NCKAP5: variants seen among roughly 807,000 people sequenced by gnomAD.
The protein encoded by NCKAP5 is NCK associated protein 5.
In NCKAP5, 92 loss-of-function variants were observed where a neutral mutation model predicts 167.0. The observed-to-expected ratio is 0.55, with a 90% confidence interval of 0.47 to 0.66. NCKAP5 has a LOEUF of 0.66. Among genes scored for constraint, NCKAP5 ranks in the 30% least tolerant of loss-of-function variants. The pLI is 0.00. For missense variants in NCKAP5, 2,378 were observed against 2,315.0 expected (o/e 1.03, Z -0.56); for synonymous variants, 891 against 877.4 (o/e 1.02, Z -0.27).
intron 6 of NCKAP5, chr2:133,118,544 T>C (rs540497057): frequency 9.2e-5 from 14 of 152,274 alleles, no homozygotes; most frequent in African/African-American, 3.4e-4. Flanking sequence ...GCACCTACTA[T>C]GTGCCAGGCT....
chr2:133,430,613 C>T (rs1411710525), intron 3 of NCKAP5, among the ~76,000 whole-genome samples: 1 of 152,058 alleles, frequency 6.6e-6, no homozygotes, highest in African/African-American at 2.4e-5. Context: ...TTTCCAGCAC[C>T]ATTTATTGAA....
intron 6 of NCKAP5, among the ~76,000 whole-genome samples, chr2:133,011,054 T>C (rs550807362): frequency 3.3e-5 from 5 of 152,272 alleles, no homozygotes; most frequent in East Asian, 3.9e-4. Context: ...TCCCAAGTGA[T>C]AGGATTTTTA....
chr2:133,559,843 A>G (rs1207580861), intron 1 of NCKAP5, among the ~76,000 whole-genome samples: 2 of 152,210 alleles, frequency 1.3e-5, no homozygotes, highest in Admixed American at 1.3e-4. Context: ...GTCTCAGGAA[A>G]AGAATGTTTC....
intron 5 of NCKAP5, among the ~76,000 whole-genome samples, chr2:133,197,882 G>A (rs1453217730): frequency 2.6e-5 from 4 of 152,054 alleles, no homozygotes; most frequent in African/African-American, 4.8e-5. Flanking sequence ...TCCAGGAGGC[G>A]GAGATTGCAG....
chr2:133,541,239 T>C (rs1219001333), intron 2 of NCKAP5, among the ~76,000 whole-genome samples: 1 of 151,344 alleles, frequency 6.6e-6, no homozygotes, highest in East Asian at 1.9e-4. Context: ...TGTCTCATTG[T>C]CTTTCCTACT....
At chr2:133,193,675 C>T (rs920206885) in intron 5 of NCKAP5, among the ~76,000 whole-genome samples, 9 of 151,998 alleles carry the variant, frequency 5.9e-5, no homozygotes, top group Admixed American at 2.0e-4. Flanking sequence ...CCTGTACTAG[C>T]GATTCAACCA....
chr2:133,415,530 C>T (rs1210407168), intron 3 of NCKAP5, among the ~76,000 whole-genome samples: 1 of 152,220 alleles, frequency 6.6e-6, no homozygotes, highest in Non-Finnish European at 1.5e-5. Context: ...ACTTTGGGAG[C>T]CAGCTGACCA....
intron 7 of NCKAP5, among the ~76,000 whole-genome samples, chr2:132,964,104 T>C (rs2076594786): frequency 6.6e-6 from 1 of 152,170 alleles, no homozygotes; most frequent in South Asian, 2.1e-4. Context: ...CTTTGCACAG[T>C]TGGAGAAGTG....
At chr2:132,781,320 C>T in intron 14 of NCKAP5, 91 bp from the exon 15 acceptor site, 6 of 1,172,162 alleles carry the variant, frequency 5.1e-6, no homozygotes, top group Non-Finnish European at 5.8e-6. Context: ...TTAAAGTAAC[C>T]TCTTTGTAGC....
At chr2:133,225,739 G>A (rs2086853077) in intron 4 of NCKAP5, among the ~76,000 whole-genome samples, 1 of 143,794 alleles carries the variant, frequency 7.0e-6, no homozygotes, top group African/African-American at 2.6e-5. Context: ...TCAGCCTCCT[G>A]AGTAACTGGG....
intron 3 of NCKAP5, among the ~76,000 whole-genome samples, chr2:133,306,035 G>C (rs1029646944): frequency 1.3e-5 from 2 of 152,240 alleles, no homozygotes; most frequent in African/African-American, 4.8e-5. Context: ...AACTGGAAAA[G>C]TTAGTTACCT....
At chr2:133,588,611 A>G in the NCKAP5 span, among the ~76,000 whole-genome samples, 1 of 152,146 alleles carries the variant, frequency 6.6e-6, no homozygotes, top group Non-Finnish European at 1.5e-5. Flanking sequence ...GTGAACCAGA[A>G]CACTAAGGTC....
In NCKAP5 at chr2:132,785,267, T is replaced by C; in HGVS notation, c.1544A>G (p.Glu515Gly). 6.3e-7 allele frequency: 1 copy of C among 1,582,284 alleles called. No individual in the cohort carries two copies. The highest frequency in any genetic ancestry group is 8.6e-7 in the Non-Finnish European group (1 of 1,163,762). ...TTCCAGAAAGTGTTTTCTGTTTGTC[T>C]CCCAGCCAAACAGACTGTCGGAAAC... is the stretch of plus-strand genomic sequence containing the variant. ...HSVSDSLFGWETNRKHFLEGT... is the reference protein window; with the variant it reads ...HSVSDSLFGWGTNRKHFLEGT... Residue 515 changes from glutamate to glycine, a missense_variant, in exon 14 of 20, where the codon GAG (glutamate) becomes GGG (glycine). By Grantham distance (98) the Glu-to-Gly change is moderately conservative. Coordinates refer to ENST00000409261, the MANE Select transcript of NCKAP5 (RefSeq NM_207363.3).
intron 3 of NCKAP5, among the ~76,000 whole-genome samples, chr2:133,435,929 T>C (rs931892522): frequency 2.0e-5 from 3 of 152,222 alleles, no homozygotes; most frequent in Admixed American, 2.0e-4. Flanking sequence ...TTCTACGCGA[T>C]CAAAACTGAA....
chr2:133,474,385 G>A (rs1679689096), intron 3 of NCKAP5, among the ~76,000 whole-genome samples: 1 of 152,142 alleles, frequency 6.6e-6, no homozygotes, highest in South Asian at 2.1e-4. Context: ...TGATGGTTAT[G>A]AGGGGCTGGT....
intron 2 of NCKAP5, among the ~76,000 whole-genome samples, chr2:133,535,353 T>C (rs1685680969): frequency 6.6e-6 from 1 of 152,108 alleles, no homozygotes; most frequent in South Asian, 2.1e-4. Context: ...TGCATACCCA[T>C]TGTTTAACTC....
intron 3 of NCKAP5, among the ~76,000 whole-genome samples, chr2:133,473,800 T>A (rs1324990104): frequency 6.6e-6 from 1 of 152,220 alleles, no homozygotes; most frequent in Non-Finnish European, 1.5e-5. Flanking sequence ...TTTTTCTTTG[T>A]CAATTGGCAA....
intron 3 of NCKAP5, among the ~76,000 whole-genome samples, chr2:133,493,774 C>T (rs892326740): frequency 2.0e-5 from 3 of 152,162 alleles, no homozygotes; most frequent in Non-Finnish European, 4.4e-5. Context: ...AAGAGTGATA[C>T]ATTAGAATGG....
intron 2 of NCKAP5, among the ~76,000 whole-genome samples, chr2:133,546,898 CT>C (rs1448752423): frequency 1.7e-4 from 26 of 152,188 alleles, no homozygotes; most frequent in Non-Finnish European, 3.7e-4. Flanking sequence ...ATAGGAACAG[CT>C]ACGGTCTACA....
Sources: gnomAD v4.1 joint callset for allele counts (sites outside exome capture counted in the v4.1 genomes callset) on GRCh38, gnomAD v4.1.1 for gene constraint, MANE v1.5 for transcripts, NCBI Gene and HGNC (gene_info 2026-07-23, HGNC 2026-07-21) for gene names.